The following PDGFC variants were observed in gnomAD, a reference collection of about 807,000 sequenced individuals.
PDGFC encodes the protein platelet derived growth factor C, also known as platelet-derived growth factor C.
In PDGFC, 12 loss-of-function variants were observed where a neutral mutation model predicts 35.5. The ratio of observed to expected loss-of-function variants is 0.34; its 90% CI spans 0.22 to 0.55. The LOEUF is 0.55. Among genes scored for constraint, PDGFC ranks in the 20% least tolerant of loss-of-function variants. The pLI is 0.91. For missense variants in PDGFC, 322 were observed against 412.4 expected (o/e 0.78, Z 1.90); for synonymous variants, 159 against 148.8 (o/e 1.07, Z -0.50).
chr4:156,763,296 T>A, intron 5 of PDGFC, 90 bp from the exon 6 acceptor site: 1 of 666,654 alleles, frequency 1.5e-6, no homozygotes, highest in South Asian at 1.9e-5. Flanking sequence ...GAAAAGAATC[T>A]TGGGGCCCAA....
intron 2 of PDGFC, among the ~76,000 whole-genome samples, chr4:156,825,318 G>A (rs1732413545): frequency 6.6e-6 from 1 of 151,442 alleles, no homozygotes. Context: ...GGAAGCCAAG[G>A]TGGGCAGACT....
intron 2 of PDGFC, among the ~76,000 whole-genome samples, chr4:156,826,639 A>G (rs28697019): frequency 0.059 from 9,045 of 152,258 alleles, 884 homozygotes; most frequent in African/African-American, 0.21. Flanking sequence ...TCTGCTCTGT[A>G]TTATTGCTAC....
intron 1 of PDGFC, among the ~76,000 whole-genome samples, chr4:156,891,262 A>G (rs1435645869): frequency 3.3e-5 from 4 of 121,570 alleles, no homozygotes; most frequent in Non-Finnish European, 6.4e-5. Flanking sequence ...CCTGGGCGAC[A>G]GAGCGAGACT....
chr4:156,898,032 C>T (rs1730677727), intron 1 of PDGFC, among the ~76,000 whole-genome samples: 1 of 152,104 alleles, frequency 6.6e-6, no homozygotes, highest in African/African-American at 2.4e-5. Context: ...TTGTGTCCTC[C>T]CAACACGTAT....
At chr4:156,872,938 T>C (rs947762915) in intron 1 of PDGFC, among the ~76,000 whole-genome samples, 2 of 152,146 alleles carry the variant, frequency 1.3e-5, no homozygotes, top group African/African-American at 4.8e-5. Flanking sequence ...AAGACCAGTC[T>C]GGGCAACACA....
chr4:156,910,010 T>A (rs567832534), intron 1 of PDGFC, among the ~76,000 whole-genome samples: 1 of 152,062 alleles, frequency 6.6e-6, no homozygotes, highest in Non-Finnish European at 1.5e-5. Flanking sequence ...TCAAATACTA[T>A]CACAACCTCC....
Position 156,824,314 on chromosome 4 carries a change from A to G in PDGFC, c.315-13297T>C, listed in dbSNP as rs1221760095. ...TATATATATATATATATATATATAT[A>G]TATATATATATATACACACACACAC... On this transcript the variant is annotated intron_variant, in intron 2 of 5. Coordinates refer to ENST00000502773, the MANE Select transcript of PDGFC (RefSeq NM_016205.3). Among the ~76,000 whole-genome samples, 117 of 109,978 alleles carry G rather than the reference A, an allele frequency of 1.1e-3. 1 individual carries two copies. The highest frequency in any genetic ancestry group is 6.1e-3 in the African/African-American group (117 of 19,096). 72.1% of individuals were successfully genotyped at this position (109,978 alleles called of 152,430 possible).
At chr4:156,798,840 T>C (rs1425197692) in intron 3 of PDGFC, among the ~76,000 whole-genome samples, 3 of 152,190 alleles carry the variant, frequency 2.0e-5, no homozygotes, top group Non-Finnish European at 4.4e-5. Context: ...AAAAGTGCCC[T>C]TTTAAAATTC....
chr4:156,788,907 T>C (rs1394757963), intron 3 of PDGFC, among the ~76,000 whole-genome samples: 1 of 152,232 alleles, frequency 6.6e-6, no homozygotes, highest in Non-Finnish European at 1.5e-5. Flanking sequence ...TGGTTTTATA[T>C]GCACTGATCA....
chr4:156,817,798 C>G (rs951456478), intron 2 of PDGFC, among the ~76,000 whole-genome samples: 3 of 152,014 alleles, frequency 2.0e-5, no homozygotes, highest in African/African-American at 7.2e-5. Flanking sequence ...GTGGCTCATG[C>G]CTGTAATCCC....
At position 156,763,153 on chromosome 4, in the gene PDGFC, G is replaced by A. The variant is rs749823778; in HGVS notation, c.975C>T (p.Thr325=). Residue 325 remains threonine (T), a synonymous_variant, in exon 6 of 6, where the codon ACC becomes ACT. Transcript: ENST00000502773. ...CCTCATGGTGCTCCAGGGCCACGTC[G>A]GTGAGTGATTTGTGCAATCCCCTGA... The part of the protein sequence containing the change: ...TGVRGLHKSL[T]DVALEHHEEC... The A allele has an allele frequency of 4.6e-5, 74 of 1,613,046 alleles. No homozygotes were observed. Among genetic ancestry groups the A allele is most frequent in the Non-Finnish European group, 5.9e-5 (69 of 1,179,248 alleles).
At chr4:156,852,534 G>C (rs570419839) in intron 1 of PDGFC, among the ~76,000 whole-genome samples, 5 of 151,602 alleles carry the variant, frequency 3.3e-5, no homozygotes, top group African/African-American at 1.2e-4. Flanking sequence ...TTTTATCTTC[G>C]CACTAGTGAT....
intron 1 of PDGFC, among the ~76,000 whole-genome samples, chr4:156,892,704 CA>C (rs1730542228): frequency 6.6e-6 from 1 of 151,996 alleles, no homozygotes; most frequent in African/African-American, 2.4e-5. Context: ...ATAAAAGAAC[CA>C]TTCAGGCAAA....
intron 1 of PDGFC, among the ~76,000 whole-genome samples, chr4:156,946,991 A>G (rs138089170): frequency 1.3e-5 from 2 of 152,148 alleles, no homozygotes; most frequent in East Asian, 1.9e-4. Flanking sequence ...GAAGGCTGGA[A>G]GCAGAAATGG....
chr4:156,834,359 C>T (rs758059881), intron 2 of PDGFC, among the ~76,000 whole-genome samples: 2 of 152,110 alleles, frequency 1.3e-5, no homozygotes, highest in South Asian at 2.1e-4. Flanking sequence ...AGATAACATA[C>T]AATGCAGGCC....
At chr4:156,828,436 T>C (rs1449996274) in intron 2 of PDGFC, among the ~76,000 whole-genome samples, 1 of 152,202 alleles carries the variant, frequency 6.6e-6, no homozygotes, top group Non-Finnish European at 1.5e-5. Context: ...TTTAATTATC[T>C]AATGAAAACT....
chr4:156,919,417 G>A (rs1731223367), intron 1 of PDGFC, among the ~76,000 whole-genome samples: 1 of 152,202 alleles, frequency 6.6e-6, no homozygotes, highest in Admixed American at 6.5e-5. Context: ...CCCAACTGAA[G>A]AGGGAGAGTT....
chr4:156,840,910 GC>G lies in PDGFC; in HGVS notation c.314+9310del, dbSNP rs376061748. ...TACATGCTATAGCCCCTATGTTTAA[GC>G]CAATTTCTCCCATTTGGAATGGGTG... On this transcript the variant is annotated intron_variant, in intron 2 of 5. Transcript: ENST00000502773. Among the ~76,000 whole-genome samples the G allele has an allele frequency of 6.0e-4, 91 of 152,252 alleles. 3 individuals are homozygous for G. In the South Asian group the frequency reaches 0.019, roughly 31 times the overall value.
intron 2 of PDGFC, among the ~76,000 whole-genome samples, chr4:156,817,870 C>T (rs1052582906): frequency 2.6e-5 from 4 of 151,562 alleles, no homozygotes; most frequent in South Asian, 2.1e-4. Context: ...ACCAGCCTGG[C>T]CTACATGGTG....
Sources: gnomAD v4.1 joint callset for allele counts (sites outside exome capture counted in the v4.1 genomes callset) on GRCh38, gnomAD v4.1.1 for gene constraint, MANE v1.5 for transcripts, NCBI Gene and HGNC (gene_info 2026-07-23, HGNC 2026-07-21) for gene names.